Variants in FASTKD1 observed in about 807,000 individuals in gnomAD.
The protein encoded by FASTKD1 is FAST kinase domains 1, also known as FAST kinase domain-containing protein 1, mitochondrial.
In FASTKD1, 94 loss-of-function variants were observed where a neutral mutation model predicts 90.9. That is an observed-to-expected ratio of 1.03 (90% confidence interval 0.88 to 1.23). FASTKD1 has a LOEUF of 1.23. Among genes scored for constraint, FASTKD1 ranks in the 50% most tolerant of loss-of-function variants. The pLI is 0.00. For missense variants in FASTKD1, 945 were observed against 993.5 expected, an observed-to-expected ratio of 0.95 and a Z score of 0.66; for synonymous variants, 319 against 345.8, an observed-to-expected ratio of 0.92 and a Z score of 0.86.
rs1240438273 is a variant in FASTKD1 at position 169,561,980 on chromosome 2, TTAATTTATTGTAAATTAATTATTC to T, written c.573-1219_573-1196del. Among the ~76,000 whole-genome samples, 17 of 126,620 alleles carry T rather than the reference TTAATTTATTGTAAATTAATTATTC, an allele frequency of 1.3e-4. 3 individuals are homozygous for T. The highest frequency in any genetic ancestry group is 1.2e-3 in the South Asian group (5 of 4,186). 83.1% of individuals were successfully genotyped at this position (126,620 alleles called of 152,430 possible). On this transcript the variant is annotated intron_variant, in intron 4 of 14. Coordinates refer to ENST00000453153, the MANE Select transcript of FASTKD1 (RefSeq NM_024622.6). ...TAATTTATTGTAAATTAATTATTCA[TTAATTTATTGTAAATTAATTATTC>T]ATTAATTTATTGTAAATTAATTATT...
intron 4 of FASTKD1, among the ~76,000 whole-genome samples, chr2:169,561,710 AAATTAATT>A (rs377096582): frequency 6.9e-6 from 1 of 144,526 alleles, no homozygotes; most frequent in Non-Finnish European, 1.5e-5. Flanking sequence ...AATCTATTAT[AAATTAATT>A]ATTAATCTAT....
At chr2:169,551,206 C>T (rs1685475389) in intron 7 of FASTKD1, among the ~76,000 whole-genome samples, 1 of 152,076 alleles carries the variant, frequency 6.6e-6, no homozygotes, top group South Asian at 2.1e-4. Context: ...ATTGGTAAAA[C>T]CACTTTAGAA....
In FASTKD1 at chr2:169,560,643, G is replaced by T. The variant is rs377757166; in HGVS notation, c.715C>A (p.Arg239=). 6.2e-7 allele frequency: 1 copy of T among 1,612,608 alleles called. No individual in the cohort carries two copies. The highest frequency in any genetic ancestry group is 2.2e-5 in the East Asian group (1 of 44,780). ...NVAKSIAKFL[R]NVRYRYQPLL... ...GGTTGATAACGATATCTAACATTTC[G>T]AAGAAACTTTGCTATGCTTTTTGCA... Residue 239 remains arginine (R), a synonymous_variant, in exon 5 of 15, where the codon CGA becomes AGA. Transcript: ENST00000453153.
At chr2:169,567,531 C>T (rs529087258) in intron 3 of FASTKD1, among the ~76,000 whole-genome samples, 12 of 152,272 alleles carry the variant, frequency 7.9e-5, no homozygotes, top group African/African-American at 2.6e-4. Flanking sequence ...TAGATTAATA[C>T]AGAATTTCTA....
intron 12 of FASTKD1, among the ~76,000 whole-genome samples, chr2:169,534,838 A>C (rs1378574724): frequency 6.6e-6 from 1 of 151,836 alleles, no homozygotes. Flanking sequence ...CAAACACTAC[A>C]GAAGAAAACC....
intron 9 of FASTKD1, among the ~76,000 whole-genome samples, chr2:169,543,406 T>C (rs1262135871): frequency 6.6e-6 from 1 of 152,044 alleles, no homozygotes; most frequent in African/African-American, 2.4e-5. Context: ...GAGGTTGCAG[T>C]GAGCCGAGAT....
At chr2:169,559,436 T>A (rs1231835329) in intron 5 of FASTKD1, among the ~76,000 whole-genome samples, 1 of 152,146 alleles carries the variant, frequency 6.6e-6, no homozygotes, top group African/African-American at 2.4e-5. Flanking sequence ...TTTTTTCTTT[T>A]ATTTTTTCTT....
rs1356700326 is a variant in FASTKD1 at position 169,538,164 on chromosome 2, G to A, written c.1946-23C>T. ...AAACTGAAATTAATAAAATACTAAT[G>A]AATTTTGATAGCTGAGACCTAGGAA... On this transcript the variant is annotated intron_variant, in intron 10 of 14. Transcript: ENST00000453153. 11 of 1,576,832 alleles carry A rather than the reference G, an allele frequency of 7.0e-6. No homozygotes were observed. The East Asian group carries it at 2.1e-4, about 29-fold the overall frequency.
intron 12 of FASTKD1, 127 bp from the exon 13 acceptor site, chr2:169,531,617 C>A: frequency 1.4e-6 from 1 of 701,348 alleles, no homozygotes; most frequent in Non-Finnish European, 2.3e-6. Flanking sequence ...GAATGACGAA[C>A]CTCTCAGATT....
intron 4 of FASTKD1, among the ~76,000 whole-genome samples, chr2:169,561,725 C>A (rs551452285): frequency 3.7e-4 from 48 of 128,624 alleles, no homozygotes; most frequent in Non-Finnish European, 5.3e-4. Flanking sequence ...AATTATTAAT[C>A]TATTATAAAT....
rs200849227 is a variant in FASTKD1 at position 169,540,025 on chromosome 2, A to C, written c.1945+26T>G. 55 of 1,401,546 alleles carry C rather than the reference A, an allele frequency of 3.9e-5. No homozygotes were observed. In the Admixed American group the frequency reaches 5.4e-4, roughly 14 times the overall value. The allele number at this position is 1,401,546 out of a possible 1,614,324, so 86.8% of individuals were successfully genotyped here. A position where few individuals can be genotyped will look rare whatever the true frequency, so the allele number is the denominator to read the frequency against. Reference sequence around the variant, plus strand: ...TGGATATAAAGTACAACAGATAATTAAATAAATTAAAAGATAGATACATAC... The same window carrying C: ...TGGATATAAAGTACAACAGATAATTCAATAAATTAAAAGATAGATACATAC... On this transcript the variant is annotated intron_variant, in intron 10 of 14. Transcript: ENST00000453153.
chr2:169,555,107 T>C lies in FASTKD1; in HGVS notation c.1214+17A>G, dbSNP rs758127452. 4 of 1,599,208 alleles carry C rather than the reference T, an allele frequency of 2.5e-6. No homozygotes were observed. The East Asian group carries it at 9.0e-5, about 36-fold the overall frequency. On this transcript the variant is annotated intron_variant, in intron 7 of 14. Coordinates refer to ENST00000453153, the MANE Select transcript of FASTKD1 (RefSeq NM_024622.6). ...TAGAAAATGAAACACTAAACAAAATTTCTATTTTAATCTTACCTAAGCAGT... is the reference window on the plus strand; with the variant it reads ...TAGAAAATGAAACACTAAACAAAATCTCTATTTTAATCTTACCTAAGCAGT...
chr2:169,573,465 G>A (rs746271), intron 1 of FASTKD1: 18,100 of 152,192 alleles, frequency 0.12, 1,343 homozygotes, highest in South Asian at 0.26. Flanking sequence ...GACCCTAAGG[G>A]GTATCTTCTG....
At chr2:169,534,176 C>A (rs1455333112) in intron 12 of FASTKD1, among the ~76,000 whole-genome samples, 1 of 103,612 alleles carries the variant, frequency 9.7e-6, no homozygotes, top group Non-Finnish European at 1.9e-5. Flanking sequence ...AGAACAAGAC[C>A]CTTTCTCAAA....
intron 5 of FASTKD1, chr2:169,560,133 C>T (rs767501200): frequency 7.9e-5 from 19 of 239,774 alleles, no homozygotes; most frequent in Non-Finnish European, 1.4e-4. Flanking sequence ...AAACACATGG[C>T]GTTTCCCCTC....
chr2:169,573,647 C>T (rs186020378), intron 1 of FASTKD1, 22 bp downstream of exon 1: 5 of 152,232 alleles, frequency 3.3e-5, no homozygotes, highest in Non-Finnish European at 7.3e-5. Context: ...AAAATAGCCG[C>T]TGCCACACAG....
rs1684023844 is a variant in FASTKD1 at position 169,567,070 on chromosome 2, A to G, written c.446+2114T>C. On this transcript the variant is annotated intron_variant, in intron 3 of 14. Coordinates refer to ENST00000453153, the MANE Select transcript of FASTKD1 (RefSeq NM_024622.6). Reference sequence around the variant, plus strand: ...GCGGAGCTTGCAGTGAGCTGAGATCACACCACTACGCTCCCGCCTGGGCAA... The same window carrying G: ...GCGGAGCTTGCAGTGAGCTGAGATCGCACCACTACGCTCCCGCCTGGGCAA... Among the ~76,000 whole-genome samples the G allele has an allele frequency of 2.6e-5, 4 of 152,110 alleles. No individual in the cohort carries two copies. The South Asian group carries it at 8.3e-4, about 32-fold the overall frequency.
At chr2:169,555,100 A>G in intron 7 of FASTKD1, 24 bp downstream of exon 7, 1 of 1,597,294 alleles carries the variant, frequency 6.3e-7, no homozygotes, top group Non-Finnish European at 8.5e-7. Flanking sequence ...GAAACACTAA[A>G]CAAAATTTCT....
At chr2:169,567,428 TAC>T (rs1684037505) in intron 3 of FASTKD1, among the ~76,000 whole-genome samples, 1 of 152,196 alleles carries the variant, frequency 6.6e-6, no homozygotes, top group Admixed American at 6.5e-5. Flanking sequence ...GGAATAAGAT[TAC>T]TCTGCTTACC....
Sources: allele counts gnomAD v4.1 joint callset (sites outside exome capture counted in the v4.1 genomes callset), GRCh38; gene constraint gnomAD v4.1.1; transcripts MANE v1.5; gene names NCBI Gene and HGNC (gene_info 2026-07-23, HGNC 2026-07-21).